Variants in DNAH8 observed in about 807,000 individuals in gnomAD.
DNAH8 encodes dynein axonemal heavy chain 8, also known as axonemal beta dynein heavy chain 8.
In DNAH8, 382 loss-of-function variants were observed where a neutral mutation model predicts 562.1. That is an observed-to-expected ratio of 0.68 (90% CI 0.63 to 0.74). The LOEUF (loss-of-function observed/expected upper bound fraction) is 0.74. Among genes scored for constraint, DNAH8 ranks in the 30% least tolerant of loss-of-function variants. The pLI is 0.00. For missense variants in DNAH8, 5,203 were observed against 5,620.4 expected, an observed-to-expected ratio of 0.93 and a Z score of 2.37; for synonymous variants, 1,881 against 1,919.4, an observed-to-expected ratio of 0.98 and a Z score of 0.52.
intron 21 of DNAH8, among the ~76,000 whole-genome samples, chr6:38,798,922 A>T (rs1187911980): frequency 6.6e-6 from 1 of 152,158 alleles, no homozygotes; most frequent in Non-Finnish European, 1.5e-5. Context: ...AGCTGAAGCC[A>T]TGTGGCAGGG....
chr6:38,836,456 A>C (rs1029860000), intron 32 of DNAH8, among the ~76,000 whole-genome samples: 15 of 146,396 alleles, frequency 1.0e-4, no homozygotes, highest in Middle Eastern at 3.4e-3. Context: ...CAAAAAAAAA[A>C]ACAAAACAAC....
intron 82 of DNAH8, 120 bp from the exon 83 acceptor site, chr6:38,971,472 A>ATTTTTTT: frequency 4.2e-6 from 2 of 471,472 alleles, no homozygotes; most frequent in South Asian, 6.6e-5. Flanking sequence ...AACAGCAAAG[A>ATTTTTTT]TTTTTTTTTT....
chr6:38,745,141 A>T (rs1444072464), intron 8 of DNAH8, among the ~76,000 whole-genome samples: 1 of 152,202 alleles, frequency 6.6e-6, no homozygotes, highest in Non-Finnish European at 1.5e-5. Flanking sequence ...TAAAAAGGAT[A>T]AATTCCCCTA....
intron 62 of DNAH8, among the ~76,000 whole-genome samples, chr6:38,902,078 G>C (rs1780116440): frequency 6.6e-6 from 1 of 152,258 alleles, no homozygotes; most frequent in Admixed American, 6.5e-5. Flanking sequence ...TCTAAATTTG[G>C]GATCCTGAGA....
At position 38,848,739 on chromosome 6, in the gene DNAH8, A is replaced by T; in HGVS notation, c.5137A>T (p.Asn1713Tyr). 1 of 1,613,504 alleles carries T rather than the reference A, an allele frequency of 6.2e-7. No homozygotes were observed. Among genetic ancestry groups the T allele is most frequent in the Non-Finnish European group, 8.5e-7 (1 of 1,179,598 alleles). ...AATTGAAGAGTGGCTCGTAGTACAG[A>T]ACCTTTGGGTTTATCTTGAAGCCGT... ...DIIEEWLVVQNLWVYLEAVFV... is the reference protein window; with the variant it reads ...DIIEEWLVVQYLWVYLEAVFV... The change falls in exon 37 of 93, where the codon AAC becomes TAC. Residue 1713 changes from asparagine to tyrosine, a missense_variant. Around this residue, in one of 6 missense-constraint regions of DNAH8, gnomAD observed 2,176 missense variants for 2,365.1 expected, o/e 0.92. Coordinates refer to ENST00000327475, the MANE Select transcript of DNAH8 (RefSeq NM_001206927.2).
chr6:38,730,295 T>C (rs1763562415), intron 4 of DNAH8, among the ~76,000 whole-genome samples: 1 of 152,184 alleles, frequency 6.6e-6, no homozygotes, highest in Admixed American at 6.5e-5. Context: ...TCCAGATGAT[T>C]AGAAGTGGTG....
intron 79 of DNAH8, among the ~76,000 whole-genome samples, chr6:38,940,830 A>T (rs1783389695): frequency 6.6e-6 from 1 of 152,136 alleles, no homozygotes; most frequent in African/African-American, 2.4e-5. Context: ...TAGAAAAGAT[A>T]ACCTAGGCCG....
At chr6:38,819,856 A>G (rs6919465) in intron 26 of DNAH8, among the ~76,000 whole-genome samples, 74,404 of 151,980 alleles carry the variant, frequency 0.49, 19,113 homozygotes, top group East Asian at 0.7. Flanking sequence ...TAATAGAAAC[A>G]CAGATTTTTT....
intron 57 of DNAH8, among the ~76,000 whole-genome samples, chr6:38,887,796 A>ATGC (rs2150479367): frequency 6.6e-6 from 1 of 151,468 alleles, no homozygotes; most frequent in African/African-American, 2.4e-5. Context: ...TAATTATTTG[A>ATGC]TATAGCAAGT....
At chr6:38,952,227 A>G (rs1465490228) in intron 82 of DNAH8, among the ~76,000 whole-genome samples, 2 of 152,130 alleles carry the variant, frequency 1.3e-5, no homozygotes, top group Non-Finnish European at 2.9e-5. Context: ...TACTCCAGGG[A>G]GAGGAGATGG....
intron 82 of DNAH8, among the ~76,000 whole-genome samples, chr6:38,970,381 A>G (rs1488987010): frequency 1.3e-5 from 2 of 152,066 alleles, no homozygotes; most frequent in Non-Finnish European, 2.9e-5. Flanking sequence ...TCCCCTTAGG[A>G]GCTGGAAAGA....
chr6:38,759,477 T>A (rs550978331), intron 10 of DNAH8, among the ~76,000 whole-genome samples: 1 of 152,344 alleles, frequency 6.6e-6, no homozygotes, highest in African/African-American at 2.4e-5. Flanking sequence ...ATGTCCTAAA[T>A]ACGACAAGAC....
At chr6:38,752,454 G>A (rs547677279) in intron 9 of DNAH8, among the ~76,000 whole-genome samples, 6 of 152,340 alleles carry the variant, frequency 3.9e-5, no homozygotes, top group South Asian at 2.1e-4. Flanking sequence ...GTGAGCCATC[G>A]GGCCCAACAC....
intron 66 of DNAH8, 93 bp from the exon 67 acceptor site, chr6:38,913,756 T>C: frequency 2.4e-6 from 2 of 817,144 alleles, no homozygotes; most frequent in Non-Finnish European, 1.9e-6. Context: ...ATATTACATG[T>C]ACAGTGCCTA....
rs552179604 is a variant in DNAH8 at position 38,741,727 on chromosome 6, A to G, written c.1133A>G (p.Glu378Gly). 4.3e-6 allele frequency: 7 copies of G among 1,612,902 alleles called. No homozygotes were observed. In the Admixed American group the frequency reaches 1.0e-4, roughly 23 times the overall value. ...KQIEQVLIES[E>G]QMRKEAGDSG... The stretch of plus-strand genomic sequence containing the variant: ...TGACTGCAGGTACTTATTGAGAGTG[A>G]GCAGATGAGAAAAGAAGCTGGTGAT... Residue 378 changes from glutamate (E) to glycine (G), a missense_variant, in exon 8 of 93, where the codon GAG becomes GGG. Physicochemically the swap from Glu to Gly is moderately conservative, Grantham distance 98 (BLOSUM62 -2). Transcript: ENST00000327475.
At chr6:39,006,900 T>C (rs564092991) in intron 88 of DNAH8, among the ~76,000 whole-genome samples, 9 of 152,312 alleles carry the variant, frequency 5.9e-5, no homozygotes, top group African/African-American at 1.2e-4. Context: ...CAGATTTATG[T>C]AGGAATTTCC....
chr6:38,827,364 A>T (rs1773425335), intron 29 of DNAH8, among the ~76,000 whole-genome samples: 1 of 152,144 alleles, frequency 6.6e-6, no homozygotes, highest in Admixed American at 6.6e-5. Context: ...GTCTATTACT[A>T]ATATTTAGAA....
At chr6:38,957,173 A>G (rs1225976308) in intron 82 of DNAH8, among the ~76,000 whole-genome samples, 1 of 152,034 alleles carries the variant, frequency 6.6e-6, no homozygotes, top group African/African-American at 2.4e-5. Flanking sequence ...TAAACCAAAT[A>G]CTGTAAAAGA....
chr6:38,976,128 T>C (rs753778050), intron 85 of DNAH8, among the ~76,000 whole-genome samples: 1 of 152,186 alleles, frequency 6.6e-6, no homozygotes, highest in Non-Finnish European at 1.5e-5. Flanking sequence ...TAAAATCAAA[T>C]AATAGAGGGC....
Sources: allele counts gnomAD v4.1 joint callset (sites outside exome capture counted in the v4.1 genomes callset), GRCh38; gene constraint gnomAD v4.1.1; regional missense constraint gnomAD v4.1.1; transcripts MANE v1.5; gene names NCBI Gene and HGNC (gene_info 2026-07-23, HGNC 2026-07-21).